The following LSS variants were observed in gnomAD, a reference collection of about 807,000 sequenced individuals.
The protein encoded by LSS is lanosterol synthase, also known as 2,3-epoxysqualene-lanosterol cyclase.
A neutral mutation model predicts 110.3 loss-of-function variants in LSS; 90 were observed. That is an observed-to-expected ratio of 0.82 (90% confidence interval 0.69 to 0.97). The LOEUF is 0.97. LSS is among the 50% of genes least tolerant of loss of function. LSS has a pLI of 0.00. For missense variants in LSS, 927 were observed against 990.0 expected (o/e 0.94, Z 0.85); for synonymous variants, 433 against 400.0 (o/e 1.08, Z -0.98).
chr21:46,225,040 C>T (rs999732760), intron 3 of LSS, among the ~76,000 whole-genome samples: 1 of 152,080 alleles, frequency 6.6e-6, no homozygotes, highest in Non-Finnish European at 1.5e-5. Flanking sequence ...CACCTTGGTG[C>T]CAAGGCAAGA....
intron 16 of LSS, among the ~76,000 whole-genome samples, 174 bp downstream of exon 16, chr21:46,206,498 G>T (rs543328183): frequency 6.6e-6 from 1 of 152,192 alleles, no homozygotes; most frequent in Non-Finnish European, 1.5e-5. Flanking sequence ...CTGCCACCCC[G>T]GGGGATGGAG....
At chr21:46,208,866 C>T (rs992485729) in intron 13 of LSS, among the ~76,000 whole-genome samples, 1 of 152,174 alleles carries the variant, frequency 6.6e-6, no homozygotes, top group East Asian at 1.9e-4. Context: ...CCAGCCTTGG[C>T]CACACAGAGG....
intron 21 of LSS, 135 bp from the exon 22 acceptor site, chr21:46,191,370 A>T (rs1189750905): frequency 1.1e-6 from 1 of 933,216 alleles, no homozygotes; most frequent in African/African-American, 1.6e-5. Context: ...AAGCAAGAGC[A>T]TAGGAAAGCA....
At chr21:46,194,862 A>T (rs2079886391) in intron 19 of LSS, among the ~76,000 whole-genome samples, 1 of 152,272 alleles carries the variant, frequency 6.6e-6, no homozygotes, top group African/African-American at 2.4e-5. Context: ...TGCCTCCCAG[A>T]GTCGCTGGGA....
intron 6 of LSS, among the ~76,000 whole-genome samples, chr21:46,217,263 GAAAA>G (rs2080219363): frequency 1.5e-5 from 2 of 137,728 alleles, no homozygotes; most frequent in African/African-American, 5.3e-5. Context: ...AAAAAGAAAA[GAAAA>G]AGAAAGAAAA....
chr21:46,190,861 C>G lies in LSS; in HGVS notation c.*243G>C. 1 of 536,756 alleles carries G rather than the reference C, an allele frequency of 1.9e-6. No homozygotes were observed. The highest frequency in any genetic ancestry group is 2.5e-5 in the South Asian group (1 of 39,930). 33.2% of individuals were successfully genotyped at this position (536,756 alleles called of 1,614,324 possible). On this transcript the variant is annotated 3_prime_UTR_variant, in exon 22 of 22. Transcript: ENST00000397728. The surrounding 1 kb of genome is among the most constrained non-coding windows in gnomAD (Gnocchi z 4.6). The stretch of plus-strand genomic sequence containing the variant: ...CTCCTCAGGGGTCACGGCTCCTGTG[C>G]CCCCTTCCTCACCCAAGCCCGACAA...
At chr21:46,192,400 A>G (rs1238735311) in intron 20 of LSS, 1 of 427,046 alleles carries the variant, frequency 2.3e-6, no homozygotes, top group Non-Finnish European at 4.7e-6. Context: ...GGGGTCCCCC[A>G]GACCCTGCTG....
chr21:46,192,201 C>G (rs1181977089), intron 20 of LSS: 2 of 587,998 alleles, frequency 3.4e-6, no homozygotes. Flanking sequence ...CAGGCCTCCT[C>G]AGGCCTGCCC....
intron 9 of LSS, among the ~76,000 whole-genome samples, chr21:46,214,372 ACCAAAAC>A (rs2080172659): frequency 6.6e-6 from 1 of 152,206 alleles, no homozygotes; most frequent in Admixed American, 6.5e-5. Flanking sequence ...ATGGGATTAA[ACCAAAAC>A]CCACAAAGAA....
chr21:46,227,103 C>G (rs889994876), intron 3 of LSS, among the ~76,000 whole-genome samples: 10 of 152,350 alleles, frequency 6.6e-5, no homozygotes, highest in Admixed American at 3.3e-4. Flanking sequence ...CCCAGGCAGT[C>G]CAACTGCTAT....
At chr21:46,214,720 G>A (rs2080177530) in intron 9 of LSS, among the ~76,000 whole-genome samples, 1 of 152,188 alleles carries the variant, frequency 6.6e-6, no homozygotes, top group Non-Finnish European at 1.5e-5. Context: ...CCACAGAGGT[G>A]AGAGCTCCAA....
chr21:46,222,318 C>T (rs996550015), intron 4 of LSS: 2 of 528,884 alleles, frequency 3.8e-6, no homozygotes, highest in African/African-American at 3.8e-5. Context: ...GCCTTGTCTC[C>T]ACCTGCTGCC....
chr21:46,215,915 G>A, intron 7 of LSS, 122 bp from the exon 8 acceptor site: 1 of 652,742 alleles, frequency 1.5e-6, no homozygotes, highest in East Asian at 2.8e-5. Context: ...TCCTGGGTGG[G>A]GGTCCCTCCA....
At chr21:46,197,885 A>C (rs1460064447) in intron 17 of LSS, among the ~76,000 whole-genome samples, 1 of 146,988 alleles carries the variant, frequency 6.8e-6, no homozygotes, top group Non-Finnish European at 1.5e-5. Flanking sequence ...ACTCTGTCTC[A>C]AAAAAAAAAA....
chr21:46,199,676 T>G (rs564745920), intron 17 of LSS, among the ~76,000 whole-genome samples: 39 of 152,272 alleles, frequency 2.6e-4, no homozygotes, highest in Non-Finnish European at 5.3e-4. Flanking sequence ...TAAAAAGAAA[T>G]GTGCTATTGA....
chr21:46,219,471 C>T lies in LSS; in HGVS notation c.647+5G>A, dbSNP rs565796241. ...ACCCAACAACCCAATCAACAGCAGA[C>T]ATACCACATCTCTGGGAACAGGGTA... On this transcript the variant is annotated splice_donor_5th_base_variant and intron_variant, in intron 6 of 21. Coordinates refer to ENST00000397728, the MANE Select transcript of LSS (RefSeq NM_002340.6). The T allele has an allele frequency of 1.9e-6, 3 of 1,581,576 alleles. No individual in the cohort carries two copies. Among genetic ancestry groups the T allele is most frequent in the Admixed American group, 1.8e-5 (1 of 55,594 alleles).
At chr21:46,220,080 C>T (rs546547998) in intron 5 of LSS, among the ~76,000 whole-genome samples, 22 of 152,336 alleles carry the variant, frequency 1.4e-4, no homozygotes, top group Middle Eastern at 3.4e-3. Flanking sequence ...GTAGCTCCGG[C>T]ACGCTGGCCC....
rs141381132 is a variant in LSS at position 46,200,109 on chromosome 21, AT to A, written c.1671-3843del. On this transcript the variant is annotated intron_variant, in intron 17 of 21. Transcript: ENST00000397728. ...CTGCTATAAAAGATAAAGTACATAA[AT>A]TTTTTTAAAAGTTTAGCAAAATTGT... Among the ~76,000 whole-genome samples the A allele has an allele frequency of 9.0e-3, 1,367 of 152,322 alleles. 29 individuals carry two copies. The highest frequency in any genetic ancestry group is 0.032 in the African/African-American group (1,317 of 41,564).
At chr21:46,218,008 C>T (rs2080228822) in intron 6 of LSS, among the ~76,000 whole-genome samples, 2 of 152,170 alleles carry the variant, frequency 1.3e-5, no homozygotes, top group Non-Finnish European at 1.5e-5. Context: ...AACTGGCTTC[C>T]GGGGTTAAGC....
Sources: allele counts gnomAD v4.1 joint callset (sites outside exome capture counted in the v4.1 genomes callset), GRCh38; gene constraint gnomAD v4.1.1; non-coding constraint Gnocchi (gnomAD v3.1); transcripts MANE v1.5; gene names NCBI Gene and HGNC (gene_info 2026-07-23, HGNC 2026-07-21).